TRIM33: variants seen among roughly 807,000 people sequenced by gnomAD.
The protein encoded by TRIM33 is tripartite motif containing 33.
A neutral mutation model predicts 125.4 loss-of-function variants in TRIM33; 20 were observed. The observed-to-expected ratio is 0.16, with a 90% CI of 0.11 to 0.23. The LOEUF is 0.23. Ranked by LOEUF, TRIM33 falls within the 10% of genes least tolerant of loss-of-function variation. TRIM33 has a pLI of 1.00. For synonymous variants in TRIM33, 564 were observed against 513.9 expected (o/e 1.10, Z -1.32); for missense variants, 920 against 1,411.4 (o/e 0.65, Z 5.58).
intron 4 of TRIM33, among the ~76,000 whole-genome samples, chr1:114,447,556 C>T (rs1260134329): frequency 6.6e-6 from 1 of 152,096 alleles, no homozygotes; most frequent in Non-Finnish European, 1.5e-5. Context: ...TCTGAAAGTT[C>T]AGGAATAAAC....
chr1:114,476,185 A>G (rs1419292581), intron 1 of TRIM33, among the ~76,000 whole-genome samples: 1 of 152,018 alleles, frequency 6.6e-6, no homozygotes, highest in East Asian at 1.9e-4. Context: ...TATTTAAAAA[A>G]TTTGATCTTG....
chr1:114,447,168 A>C (rs1363829824), intron 4 of TRIM33, among the ~76,000 whole-genome samples: 2 of 152,188 alleles, frequency 1.3e-5, no homozygotes. Context: ...TGTATTAAGA[A>C]TAAATGGAAG....
intron 1 of TRIM33, among the ~76,000 whole-genome samples, chr1:114,472,600 C>T (rs954326643): frequency 6.6e-6 from 1 of 152,014 alleles, no homozygotes; most frequent in East Asian, 1.9e-4. Context: ...CATGGTGGTA[C>T]CTGCCTGTAA....
intron 4 of TRIM33, among the ~76,000 whole-genome samples, chr1:114,441,534 A>C (rs1241555167): frequency 1.3e-5 from 2 of 152,232 alleles, no homozygotes; most frequent in African/African-American, 2.4e-5. Context: ...ACTCTTGAAG[A>C]CGTGATGACA....
At chr1:114,420,517 G>T (rs974187644) in intron 11 of TRIM33, 1 of 823,168 alleles carries the variant, frequency 1.2e-6, no homozygotes. Context: ...CACCATTATT[G>T]TACTTCTGTT....
At chr1:114,427,680 G>T in intron 7 of TRIM33, 68 bp downstream of exon 7, 1 of 1,466,372 alleles carries the variant, frequency 6.8e-7, no homozygotes, top group Non-Finnish European at 9.3e-7. Flanking sequence ...CTTTAAACAG[G>T]TGCAATTCAC....
intron 16 of TRIM33, among the ~76,000 whole-genome samples, chr1:114,402,195 G>A (rs549086271): frequency 6.6e-6 from 1 of 152,234 alleles, no homozygotes; most frequent in African/African-American, 2.4e-5. Context: ...TTTTTAATAT[G>A]ATGAGAAGCT....
chr1:114,398,921 C>CA (rs375037079), intron 18 of TRIM33, among the ~76,000 whole-genome samples: 2 of 114,566 alleles, frequency 1.7e-5, no homozygotes, highest in African/African-American at 7.0e-5. Flanking sequence ...AAAAACAAAA[C>CA]AAAACAAAAC....
At position 114,430,900 on chromosome 1, in the gene TRIM33, T is replaced by A. The variant is rs1455720493; in HGVS notation, c.1053A>T (p.Val351=). 11 of 1,584,286 alleles carry A rather than the reference T, an allele frequency of 6.9e-6. No individual in the cohort carries two copies. The highest frequency in any genetic ancestry group is 2.7e-5 in the African/African-American group (2 of 74,302). The change falls in exon 6 of 20, where the codon GTA becomes GTT. Residue 351 remains valine (V), a synonymous_variant. Coordinates refer to ENST00000358465, the MANE Select transcript of TRIM33 (RefSeq NM_015906.4). ...ATQVQNRIKE[V]NETNKRVEQE... ...GTTCTACTCGTTTGTTAGTCTCATT[T>A]ACTTCTTTTATCCTGAATAAGAGAA...
At chr1:114,463,302 C>T (rs1022153067) in intron 3 of TRIM33, 66 bp from the exon 4 acceptor site, 2 of 1,556,254 alleles carry the variant, frequency 1.3e-6, no homozygotes, top group Admixed American at 2.0e-5. Context: ...TTCTAAATTC[C>T]TATTGATGTT....
intron 1 of TRIM33, among the ~76,000 whole-genome samples, chr1:114,477,023 TG>T (rs1651013934): frequency 6.6e-6 from 1 of 152,158 alleles, no homozygotes; most frequent in Admixed American, 6.6e-5. Context: ...AGAAGAAAAC[TG>T]CAGACCACTC....
intron 1 of TRIM33, among the ~76,000 whole-genome samples, chr1:114,496,438 G>A (rs1039268776): frequency 1.3e-5 from 2 of 152,164 alleles, no homozygotes; most frequent in Admixed American, 6.5e-5. Context: ...AGGTCAGGCT[G>A]TACACACAAC....
chr1:114,424,051 A>C (rs943931352), intron 10 of TRIM33, among the ~76,000 whole-genome samples: 2 of 152,182 alleles, frequency 1.3e-5, no homozygotes, highest in Admixed American at 1.3e-4. Context: ...CTCCCATATA[A>C]ACATAACCAG....
intron 4 of TRIM33, among the ~76,000 whole-genome samples, chr1:114,435,227 T>A (rs1280659088): frequency 6.6e-6 from 1 of 152,140 alleles, no homozygotes; most frequent in East Asian, 1.9e-4. Context: ...TCTAAGACAG[T>A]AACTCATATC....
intron 1 of TRIM33, among the ~76,000 whole-genome samples, chr1:114,477,466 T>C (rs1262079415): frequency 1.3e-5 from 2 of 152,186 alleles, no homozygotes; most frequent in Non-Finnish European, 1.5e-5. Context: ...TACACAGATT[T>C]AAATCTCAAC....
intron 1 of TRIM33, among the ~76,000 whole-genome samples, chr1:114,478,958 G>C (rs1651135586): frequency 6.6e-6 from 1 of 152,218 alleles, no homozygotes; most frequent in Non-Finnish European, 1.5e-5. Flanking sequence ...TGAGGCAGGA[G>C]AATTGCTGAA....
chr1:114,488,177 C>T (rs1651833232), intron 1 of TRIM33, among the ~76,000 whole-genome samples: 1 of 152,042 alleles, frequency 6.6e-6, no homozygotes, highest in Non-Finnish European at 1.5e-5. Flanking sequence ...CTATTCAAAG[C>T]ACTCCAAAAA....
intron 1 of TRIM33, among the ~76,000 whole-genome samples, chr1:114,491,669 T>C (rs1177457684): frequency 1.3e-5 from 2 of 151,984 alleles, no homozygotes; most frequent in Non-Finnish European, 2.9e-5. Context: ...CTGGGTGTGG[T>C]AGCATGGGCC....
chr1:114,427,368 G>GA, intron 7 of TRIM33, 74 bp from the exon 8 acceptor site: 25 of 807,930 alleles, frequency 3.1e-5, no homozygotes, highest in South Asian at 3.6e-5. Context: ...AAGACATTAA[G>GA]AAAAAAAAGC....
Sources: gnomAD v4.1 joint callset for allele counts (sites outside exome capture counted in the v4.1 genomes callset) on GRCh38, gnomAD v4.1.1 for gene constraint, MANE v1.5 for transcripts, NCBI Gene and HGNC (gene_info 2026-07-23, HGNC 2026-07-21) for gene names.